The following TAFA4 variants were observed in gnomAD, a reference collection of about 807,000 sequenced individuals.
TAFA4 encodes the protein TAFA chemokine like family member 4.
Under a neutral mutation model 21.1 loss-of-function variants are expected in TAFA4, and 20 were observed. The ratio of observed to expected loss-of-function variants is 0.95; its 90% CI spans 0.67 to 1.38. The LOEUF (loss-of-function observed/expected upper bound fraction) is 1.38, where lower values mean the gene tolerates loss of function less well. Among genes scored for constraint, TAFA4 ranks in the 40% most tolerant of loss-of-function variants. TAFA4 has a pLI of 0.00. For synonymous variants in TAFA4, 71 were observed against 67.4 expected, an observed-to-expected ratio of 1.05 and a Z score of -0.26; for missense variants, 211 against 180.9, an observed-to-expected ratio of 1.17 and a Z score of -0.95.
At chr3:68,824,154 T>C (rs1392513757) in intron 3 of TAFA4, among the ~76,000 whole-genome samples, 3 of 152,168 alleles carry the variant, frequency 2.0e-5, no homozygotes, top group East Asian at 1.9e-4. Context: ...AACGACAACA[T>C]AGATCATTTG....
chr3:68,901,488 C>G (rs1405089836), intron 1 of TAFA4, among the ~76,000 whole-genome samples: 1 of 152,078 alleles, frequency 6.6e-6, no homozygotes, highest in Non-Finnish European at 1.5e-5. Context: ...CCTTCTGAGA[C>G]AAGGGAAACT....
chr3:68,853,588 T>C (rs1172794884), intron 3 of TAFA4, among the ~76,000 whole-genome samples: 1 of 152,172 alleles, frequency 6.6e-6, no homozygotes, highest in East Asian at 1.9e-4. Flanking sequence ...ATTTATACAA[T>C]ACAGTTAGCA....
chr3:68,818,852 T>G (rs1401747222), intron 3 of TAFA4, among the ~76,000 whole-genome samples: 1 of 152,136 alleles, frequency 6.6e-6, no homozygotes, highest in African/African-American at 2.4e-5. Flanking sequence ...TAATGAAAAG[T>G]TTGAAATATT....
intron 3 of TAFA4, among the ~76,000 whole-genome samples, chr3:68,780,684 T>A (rs1043023779): frequency 1.3e-5 from 2 of 152,188 alleles, no homozygotes; most frequent in Non-Finnish European, 2.9e-5. Context: ...CTCTTTCTTT[T>A]GTAAATTGCC....
chr3:68,849,657 A>G (rs1704895853), intron 3 of TAFA4, among the ~76,000 whole-genome samples: 1 of 152,250 alleles, frequency 6.6e-6, no homozygotes, highest in Admixed American at 6.5e-5. Context: ...CAGGTCTGCC[A>G]GAATTCCCAA....
chr3:68,734,558 CAACTT>C (rs1702206026), intron 5 of TAFA4, among the ~76,000 whole-genome samples: 2 of 151,966 alleles, frequency 1.3e-5, no homozygotes, highest in African/African-American at 4.8e-5. Flanking sequence ...ACTGAACTGT[CAACTT>C]AAAGAGTTGT....
rs559038073 is a variant in TAFA4 at position 68,860,812 on chromosome 3, C to T, written c.130+19918G>A. On this transcript the variant is annotated intron_variant, in intron 3 of 5. Coordinates refer to ENST00000295569, the MANE Select transcript of TAFA4 (RefSeq NM_182522.5). ...TAAACGATAGTTCAAGTCCACGTTA[C>T]TTCTTTAACACGTAGGTCCCTAACC... is the stretch of plus-strand genomic sequence containing the variant. Among the ~76,000 whole-genome samples, 75 of 152,186 alleles carry T rather than the reference C, an allele frequency of 4.9e-4. 3 individuals carry two copies. In the South Asian group the frequency reaches 0.013, roughly 26 times the overall value.
intron 3 of TAFA4, among the ~76,000 whole-genome samples, chr3:68,768,447 T>A (rs1433217904): frequency 6.6e-6 from 1 of 151,914 alleles, no homozygotes; most frequent in East Asian, 1.9e-4. Context: ...AGACAAAAAA[T>A]AACAAATGCA....
At chr3:68,843,057 T>C (rs535594904) in intron 3 of TAFA4, among the ~76,000 whole-genome samples, 1 of 152,346 alleles carries the variant, frequency 6.6e-6, no homozygotes, top group South Asian at 2.1e-4. Context: ...AGTACTTTTT[T>C]CTAATTCTGT....
chr3:68,747,815 T>A (rs1388935658), intron 4 of TAFA4, among the ~76,000 whole-genome samples: 2 of 152,182 alleles, frequency 1.3e-5, no homozygotes, highest in Admixed American at 6.5e-5. Context: ...CACACTCTCT[T>A]AAAACGCAAA....
chr3:68,759,532 C>A (rs570265521), intron 3 of TAFA4, among the ~76,000 whole-genome samples: 12 of 152,164 alleles, frequency 7.9e-5, no homozygotes, highest in African/African-American at 2.9e-4. Flanking sequence ...AAGCCTGGTA[C>A]CAGAGAGTGG....
chr3:68,824,540 C>A (rs1704184028), intron 3 of TAFA4, among the ~76,000 whole-genome samples: 1 of 152,192 alleles, frequency 6.6e-6, no homozygotes, highest in South Asian at 2.1e-4. Flanking sequence ...AATCTAGGAT[C>A]ATTTCCCCAT....
At chr3:68,819,726 G>C (rs954502242) in intron 3 of TAFA4, among the ~76,000 whole-genome samples, 4 of 152,086 alleles carry the variant, frequency 2.6e-5, no homozygotes, top group Non-Finnish European at 5.9e-5. Flanking sequence ...GTAAATTAAA[G>C]CCACAGTAAG....
chr3:68,776,808 T>C (rs1703057285), intron 3 of TAFA4, among the ~76,000 whole-genome samples: 2 of 152,036 alleles, frequency 1.3e-5, no homozygotes, highest in South Asian at 4.1e-4. Flanking sequence ...AAACATGATA[T>C]CTAAACACAA....
In TAFA4 at chr3:68,878,968, T is replaced by C. The variant is rs543085333; in HGVS notation, c.130+1762A>G. 2.0e-5 allele frequency among the ~76,000 whole-genome samples: 3 copies of C among 152,284 alleles called. No homozygotes were observed. The South Asian group carries it at 6.2e-4, about 32-fold the overall frequency. On this transcript the variant is annotated intron_variant, in intron 3 of 5. Transcript: ENST00000295569. Reference sequence around the variant, plus strand: ...CTGGGGGGGAGATTCCCACCTTTCTTCTGTGTCTCTTAGCCAGGTAGGTGG... The same window carrying C: ...CTGGGGGGGAGATTCCCACCTTTCTCCTGTGTCTCTTAGCCAGGTAGGTGG...
rs6807320 is a variant in TAFA4, at chr3:68,817,769, T to C, written c.130+62961A>G. Among the ~76,000 whole-genome samples, 1,084 of 152,280 alleles carry C rather than the reference T, an allele frequency of 7.1e-3. 14 individuals are homozygous for C. Among genetic ancestry groups the C allele is most frequent in the African/African-American group, 0.024 (1,003 of 41,554 alleles). On this transcript the variant is annotated intron_variant, in intron 3 of 5. Transcript: ENST00000295569. Reference sequence around the variant, plus strand: ...TATTTGAAAAGGAATCTCTTTTTTTTCTGGGCAGTAGTTCTCAACAATGGG... The same window carrying C: ...TATTTGAAAAGGAATCTCTTTTTTTCCTGGGCAGTAGTTCTCAACAATGGG...
chr3:68,800,538 G>A (rs1703554882), intron 3 of TAFA4, among the ~76,000 whole-genome samples: 1 of 152,138 alleles, frequency 6.6e-6, no homozygotes, highest in Non-Finnish European at 1.5e-5. Context: ...ACGTTACCCA[G>A]CCCCTCAATT....
chr3:68,908,742 C>T (rs1575668477), intron 1 of TAFA4, among the ~76,000 whole-genome samples: 1 of 152,216 alleles, frequency 6.6e-6, no homozygotes, highest in East Asian at 1.9e-4. Context: ...TAAAAACATT[C>T]ATCTTATGTT....
At chr3:68,900,250 T>C (rs989790516) in intron 1 of TAFA4, among the ~76,000 whole-genome samples, 6 of 58,642 alleles carry the variant, frequency 1.0e-4, no homozygotes, top group Middle Eastern at 6.3e-3. Context: ...TTAATAATAA[T>C]AATAATAATA....
Sources: gnomAD v4.1 joint callset for allele counts (sites outside exome capture counted in the v4.1 genomes callset) on GRCh38, gnomAD v4.1.1 for gene constraint, MANE v1.5 for transcripts, NCBI Gene and HGNC (gene_info 2026-07-23, HGNC 2026-07-21) for gene names.